The following TAF1A variants were observed in gnomAD, a reference collection of about 807,000 sequenced individuals.
TAF1A encodes TATA box-binding protein-associated factor RNA polymerase I subunit A.
In TAF1A, 42 loss-of-function variants were observed where a neutral mutation model predicts 61.6. That is an observed-to-expected ratio of 0.68 (90% CI 0.53 to 0.88). The LOEUF is 0.88. TAF1A is among the 40% of genes least tolerant of loss of function. TAF1A has a pLI of 0.00. For synonymous variants in TAF1A, 179 were observed against 177.7 expected, an observed-to-expected ratio of 1.01 and a Z score of -0.06; for missense variants, 424 against 518.7, an observed-to-expected ratio of 0.82 and a Z score of 1.77.
chr1:222,585,801 G>A (rs555301233), intron 2 of TAF1A, among the ~76,000 whole-genome samples: 10 of 150,862 alleles, frequency 6.6e-5, no homozygotes, highest in Non-Finnish European at 1.3e-4. Context: ...TCTATTAAAA[G>A]CTTGTTCATA....
At chr1:222,588,651 T>G in intron 1 of TAF1A, 86 bp from the exon 2 acceptor site, 1 of 1,382,580 alleles carries the variant, frequency 7.2e-7, no homozygotes, top group Non-Finnish European at 9.8e-7. Flanking sequence ...TATCTTTTTA[T>G]CTAATAAATA....
chr1:222,576,826 C>A (rs980728773), intron 5 of TAF1A, among the ~76,000 whole-genome samples: 1 of 152,170 alleles, frequency 6.6e-6, no homozygotes, highest in African/African-American at 2.4e-5. Context: ...AAATCTGTAG[C>A]CTTTCTTAGA....
chr1:222,579,924 TTCTG>T (rs756649667), intron 3 of TAF1A, 52 bp from the exon 4 acceptor site: 4 of 1,574,922 alleles, frequency 2.5e-6, no homozygotes, highest in African/African-American at 2.7e-5. Flanking sequence ...CTTAACCAAT[TTCTG>T]TCTAAGATAT....
chr1:222,575,380 C>A (rs1176349274), intron 5 of TAF1A, among the ~76,000 whole-genome samples: 1 of 151,910 alleles, frequency 6.6e-6, no homozygotes, highest in African/African-American at 2.4e-5. Flanking sequence ...TGATGGTGCA[C>A]ACCTGTAGTC....
chr1:222,563,040 C>T (rs1659976187), intron 9 of TAF1A, 133 bp downstream of exon 9: 2 of 876,586 alleles, frequency 2.3e-6, no homozygotes, highest in Non-Finnish European at 3.4e-6. Context: ...AGAAAATGTA[C>T]TCAGAAAACA....
intron 7 of TAF1A, chr1:222,569,122 G>A: frequency 4.3e-6 from 2 of 464,450 alleles, no homozygotes; most frequent in Non-Finnish European, 6.0e-6. Flanking sequence ...AGGCATTCTG[G>A]GGGCGACAGA....
rs764775724 is a variant in TAF1A at position 222,577,533 on chromosome 1, C to T, written c.516G>A (p.Arg172=). Residue 172 remains arginine (R), a synonymous_variant, in exon 5 of 11, where the codon CGG becomes CGA. Transcript: ENST00000352967. ...CCTGAATAAGGTTGATTAATATTTCCCGGGAAGACGTATTTTCACCATGTC... is the reference window on the plus strand; with the variant it reads ...CCTGAATAAGGTTGATTAATATTTCTCGGGAAGACGTATTTTCACCATGTC... The part of the protein sequence containing the change: ...TWRHGENTSS[R]EILINLIQAY... 1.9e-6 allele frequency: 3 copies of T among 1,613,802 alleles called. No individual in the cohort carries two copies. The East Asian group carries it at 6.7e-5, about 36-fold the overall frequency.
intron 5 of TAF1A, among the ~76,000 whole-genome samples, chr1:222,575,906 C>G (rs1444220356): frequency 6.6e-6 from 1 of 152,106 alleles, no homozygotes; most frequent in Non-Finnish European, 1.5e-5. Flanking sequence ...TGAGTTTTAC[C>G]TAACCATGTA....
rs1660314888 is a variant in TAF1A at position 222,570,684 on chromosome 1, T to C, written c.605-19A>G. 1 of 1,564,946 alleles carries C rather than the reference T, an allele frequency of 6.4e-7. No individual in the cohort carries two copies. The highest frequency in any genetic ancestry group is 1.8e-5 in the Admixed American group (1 of 56,036). On this transcript the variant is annotated intron_variant, in intron 5 of 10. Transcript: ENST00000352967. The stretch of plus-strand genomic sequence containing the variant: ...TCCTTATCTGCCCAAAGATACAAGA[T>C]CTTTTAACATTCATTAAACATTGAG...
At chr1:222,586,927 A>G (rs1490591177) in intron 2 of TAF1A, among the ~76,000 whole-genome samples, 1 of 152,246 alleles carries the variant, frequency 6.6e-6, no homozygotes, top group African/African-American at 2.4e-5. Context: ...TCGGTTTAAC[A>G]GGCTATCCAT....
At chr1:222,558,853 T>C (rs1659802597) in intron 10 of TAF1A, 81 bp from the exon 11 acceptor site, 1 of 593,414 alleles carries the variant, frequency 1.7e-6, no homozygotes, top group African/African-American at 1.9e-5. Flanking sequence ...AATTCTGCTT[T>C]AAGTTTAGCA....
At chr1:222,561,635 A>T (rs1285971299) in intron 9 of TAF1A, 117 bp from the exon 10 acceptor site, 3 of 1,033,362 alleles carry the variant, frequency 2.9e-6, no homozygotes, top group Non-Finnish European at 4.1e-6. Context: ...TCCAAGCTAA[A>T]TTCTCAATAT....
chr1:222,578,905 A>AT (rs1660678330), intron 4 of TAF1A, among the ~76,000 whole-genome samples: 2 of 152,230 alleles, frequency 1.3e-5, no homozygotes, highest in African/African-American at 4.8e-5. Flanking sequence ...TTATTGAGAA[A>AT]TGAGGTTCCC....
intron 10 of TAF1A, 27 bp from the exon 11 acceptor site, chr1:222,558,799 T>C: frequency 8.4e-7 from 1 of 1,187,456 alleles, no homozygotes. Context: ...AATAAAAAGT[T>C]TTAATACTCA....
intron 9 of TAF1A, 94 bp downstream of exon 9, chr1:222,563,079 A>G: frequency 8.1e-7 from 1 of 1,227,236 alleles, no homozygotes; most frequent in Non-Finnish European, 1.1e-6. Flanking sequence ...GAAATTATAA[A>G]ACATAAGCAA....
chr1:222,589,367 T>G (rs17464857), intron 1 of TAF1A, among the ~76,000 whole-genome samples: 18,803 of 152,202 alleles, frequency 0.12, 1,316 homozygotes, highest in Middle Eastern at 0.2. Context: ...GCATCAGCTT[T>G]CTAAACAATT....
intron 7 of TAF1A, among the ~76,000 whole-genome samples, chr1:222,564,443 G>A (rs952851763): frequency 2.0e-5 from 3 of 150,926 alleles, no homozygotes; most frequent in East Asian, 1.9e-4. Context: ...AACTAAAAAC[G>A]ATTTCTTTCA....
At position 222,563,265 on chromosome 1, in the gene TAF1A, C is replaced by G; in HGVS notation, c.993G>C (p.Glu331Asp). 6.2e-7 allele frequency: 1 copy of G among 1,612,988 alleles called. No individual in the cohort carries two copies. Among genetic ancestry groups the G allele is most frequent in the Non-Finnish European group, 8.5e-7 (1 of 1,179,562 alleles). ...CAAAATCTAAGACTCCAAATAATAC[C>G]TCCAACCCCAGTTTACGGTGTTCTT... ...EKEEHRKLGL[E>D]VLFGVLDFAG... The change falls in exon 9 of 11, where the codon GAG becomes GAC. Residue 331 changes from glutamate to aspartate, a missense_variant. Glu to Asp is a conservative substitution (Grantham distance 45). Transcript: ENST00000352967.
chr1:222,588,764 G>A (rs556271846), intron 1 of TAF1A, among the ~76,000 whole-genome samples, 199 bp from the exon 2 acceptor site: 5 of 152,216 alleles, frequency 3.3e-5, no homozygotes, highest in African/African-American at 7.2e-5. Context: ...ATTAAAGACC[G>A]AACCACTAAT....
Sources: gnomAD v4.1 joint callset for allele counts (sites outside exome capture counted in the v4.1 genomes callset) on GRCh38, gnomAD v4.1.1 for gene constraint, MANE v1.5 for transcripts, NCBI Gene and HGNC (gene_info 2026-07-23, HGNC 2026-07-21) for gene names.